Variants in PSMG2 observed in about 807,000 individuals in gnomAD.
PSMG2 encodes CD40 ligand-activated specific transcript 3.
Under a neutral mutation model 31.5 loss-of-function variants are expected in PSMG2, and 21 were observed. The observed-to-expected ratio is 0.67, with a 90% CI of 0.47 to 0.96. The LOEUF (loss-of-function observed/expected upper bound fraction) is 0.96, where lower values mean the gene tolerates loss of function less well. Among genes scored for constraint, PSMG2 ranks in the 40% least tolerant of loss-of-function variants. The pLI is 0.00. For missense variants in PSMG2, 318 were observed against 321.2 expected (o/e 0.99, Z 0.08); for synonymous variants, 120 against 110.4 (o/e 1.09, Z -0.54).
intron 1 of PSMG2, among the ~76,000 whole-genome samples, chr18:12,678,861 C>T (rs2039241599): frequency 6.6e-6 from 1 of 151,934 alleles, no homozygotes; most frequent in Non-Finnish European, 1.5e-5. Flanking sequence ...GAGGCTAAGC[C>T]AGGAGAATTG....
chr18:12,688,305 TA>T (rs1355205895), intron 1 of PSMG2, among the ~76,000 whole-genome samples: 2 of 151,438 alleles, frequency 1.3e-5, no homozygotes, highest in Admixed American at 1.3e-4. Flanking sequence ...TTTCTTGCAC[TA>T]AAAAGTTCAA....
At position 12,718,608 on chromosome 18, in the gene PSMG2, A is replaced by G. The variant is rs1243742433; in HGVS notation, c.380A>G (p.Tyr127Cys). Reference sequence around the variant, plus strand: ...ATTGTTCTTTCAAGCAGTCATTCATATCAGCGTAATGATCTGCAGCTTCGT... The same window carrying G: ...ATTGTTCTTTCAAGCAGTCATTCATGTCAGCGTAATGATCTGCAGCTTCGT... ...RVIVLSSSHS[Y>C]QRNDLQLRST... The change falls in exon 4 of 7, where the codon TAT becomes TGT. Residue 127 changes from tyrosine (Y) to cysteine (C), a missense_variant. Tyr to Cys is a radical substitution (Grantham distance 194, BLOSUM62 -2). Transcript: ENST00000317615. The G allele has an allele frequency of 6.2e-7, 1 of 1,608,672 alleles. No individual in the cohort carries two copies. Among genetic ancestry groups the G allele is most frequent in the Non-Finnish European group, 8.5e-7 (1 of 1,176,260 alleles).
intron 1 of PSMG2, among the ~76,000 whole-genome samples, chr18:12,673,697 T>C (rs1268379385): frequency 6.6e-6 from 1 of 151,872 alleles, no homozygotes; most frequent in African/African-American, 2.4e-5. Flanking sequence ...TTGGCCAACA[T>C]AGTGAAACCC....
intron 1 of PSMG2, chr18:12,672,608 CCT>C (rs2038976848): frequency 1.0e-6 from 1 of 966,396 alleles, no homozygotes; most frequent in African/African-American, 1.8e-5. Context: ...AATAATGAAT[CCT>C]CTGACCACAG....
chr18:12,695,153 A>G (rs977249172), intron 1 of PSMG2: 5 of 487,314 alleles, frequency 1.0e-5, no homozygotes, highest in Admixed American at 8.1e-5. Context: ...GAAAGTAATA[A>G]ATGGTAATTT....
At chr18:12,678,493 A>T (rs1475871013) in intron 1 of PSMG2, 1 of 1,224,010 alleles carries the variant, frequency 8.2e-7, no homozygotes, top group Non-Finnish European at 1.1e-6. Context: ...TTAAAAAGGC[A>T]GCATCTTACT....
At chr18:12,699,245 C>G, upstream of PSMG2, 2 of 1,326,442 alleles carry the variant, frequency 1.5e-6, no homozygotes, top group South Asian at 2.5e-5. Context: ...TGCCAAATAA[C>G]TTAAAAGAAT....
intron 1 of PSMG2, among the ~76,000 whole-genome samples, chr18:12,695,852 CCACACA>C (rs375916938): frequency 0.042 from 6,270 of 148,350 alleles, 369 homozygotes; most frequent in African/African-American, 0.13. Context: ...CATTCCTTCT[CCACACA>C]CACACACACA....
Position 12,722,041 on chromosome 18 carries a change from C to T in PSMG2, c.581+1358C>T, listed in dbSNP as rs147729400. 1.1e-3 allele frequency among the ~76,000 whole-genome samples: 169 copies of T among 152,256 alleles called. 1 individual carries two copies. The highest frequency in any genetic ancestry group is 6.7e-3 in the East Asian group (35 of 5,188). On this transcript the variant is annotated intron_variant, in intron 5 of 6. Coordinates refer to ENST00000317615, the MANE Select transcript of PSMG2 (RefSeq NM_020232.5). The stretch of plus-strand genomic sequence containing the variant: ...TTCTAAGAGTCAACTTACCCTTCAC[C>T]TCCTGTCTGCAATCTTGCCTTTTCC...
intron 1 of PSMG2, chr18:12,691,577 A>G (rs2039764429): frequency 2.2e-6 from 2 of 898,480 alleles, no homozygotes; most frequent in African/African-American, 3.4e-5. Context: ...TCTCTACATC[A>G]TTACCACCCT....
In PSMG2 at chr18:12,708,834, T is replaced by G. The variant is rs557889563; in HGVS notation, c.229+2113T>G. ...GATTCTCCTGCCTCAGCCTCCCGAG[T>G]AGCTGGGATTACAGGTGCCCACCAC... On this transcript the variant is annotated intron_variant, in intron 2 of 6. Transcript: ENST00000317615. Among the ~76,000 whole-genome samples the G allele has an allele frequency of 2.3e-3, 338 of 145,094 alleles. 1 individual carries two copies. Among genetic ancestry groups the G allele is most frequent in the South Asian group, 0.013 (60 of 4,542 alleles).
chr18:12,724,642 C>T (rs761468892), intron 6 of PSMG2, 23 bp downstream of exon 6: 2 of 1,565,086 alleles, frequency 1.3e-6, no homozygotes, highest in South Asian at 2.4e-5. Context: ...ATAGCTTAAG[C>T]CTCTTCTTTG....
At chr18:12,669,029 G>A (rs894828131) in intron 1 of PSMG2, among the ~76,000 whole-genome samples, 3 of 79,854 alleles carry the variant, frequency 3.8e-5, no homozygotes, top group African/African-American at 1.1e-4. Context: ...CGCACCCCCC[G>A]CACTTTTTTT....
At chr18:12,706,402 G>A in intron 1 of PSMG2, 148 bp from the exon 2 acceptor site, 1 of 717,356 alleles carries the variant, frequency 1.4e-6, no homozygotes, top group Non-Finnish European at 2.3e-6. Context: ...CAGGAGAATT[G>A]CTTCAAGCCA....
At chr18:12,661,668 G>A (rs1041463582) in intron 1 of PSMG2, among the ~76,000 whole-genome samples, 2 of 152,100 alleles carry the variant, frequency 1.3e-5, no homozygotes, top group South Asian at 2.1e-4. Context: ...CCAGCTACTC[G>A]GGAGGCTGAG....
intron 1 of PSMG2, among the ~76,000 whole-genome samples, chr18:12,690,478 C>T (rs915885501): frequency 1.3e-5 from 2 of 149,924 alleles, no homozygotes; most frequent in East Asian, 3.9e-4. Flanking sequence ...TTTTTTGAGA[C>T]GGAGTCTTGC....
chr18:12,715,792 C>G (rs1039857825), intron 3 of PSMG2, among the ~76,000 whole-genome samples: 2 of 152,230 alleles, frequency 1.3e-5, no homozygotes, highest in African/African-American at 4.8e-5. Flanking sequence ...AGGCGTGAGC[C>G]ACTGTGCTCA....
chr18:12,700,090 C>T, upstream of PSMG2: 2 of 422,418 alleles, frequency 4.7e-6, no homozygotes, highest in Non-Finnish European at 8.5e-6. Context: ...ATGATGTAAA[C>T]TGATCACTCC....
At chr18:12,708,391 T>G (rs2040291209) in intron 2 of PSMG2, among the ~76,000 whole-genome samples, 1 of 151,794 alleles carries the variant, frequency 6.6e-6, no homozygotes, top group Non-Finnish European at 1.5e-5. Flanking sequence ...TGAGATGGAG[T>G]TTTGCTCTTG....
Sources: gnomAD v4.1 joint callset for allele counts (sites outside exome capture counted in the v4.1 genomes callset) on GRCh38, gnomAD v4.1.1 for gene constraint, MANE v1.5 for transcripts, NCBI Gene and HGNC (gene_info 2026-07-23, HGNC 2026-07-21) for gene names.